Variants in MYCBP2 observed in about 807,000 individuals in gnomAD.
MYCBP2 encodes the protein E3 ubiquitin-protein ligase MYCBP2.
MYCBP2 carries 120 observed loss-of-function variants against 525.3 expected under a neutral mutation model. That is an observed-to-expected ratio of 0.23 (90% CI 0.20 to 0.27). The LOEUF is 0.27. MYCBP2 is among the 10% of genes least tolerant of loss of function. MYCBP2 has a pLI of 1.00. For missense variants in MYCBP2, 4,149 were observed against 5,657.1 expected (o/e 0.73, Z 8.55); for synonymous variants, 1,894 against 1,955.8 (o/e 0.97, Z 0.83).
chr13:77,202,277 A>G (rs2062700916), intron 26 of MYCBP2, among the ~76,000 whole-genome samples: 1 of 152,234 alleles, frequency 6.6e-6, no homozygotes, highest in Non-Finnish European at 1.5e-5. Context: ...ACGCAAATAA[A>G]CTAGAAAATC....
At chr13:77,189,374 A>G (rs2061070227) in intron 29 of MYCBP2, among the ~76,000 whole-genome samples, 1 of 152,140 alleles carries the variant, frequency 6.6e-6, no homozygotes, top group South Asian at 2.1e-4. Flanking sequence ...AAGTTATTCA[A>G]CCAGTGAGTA....
chr13:77,129,468 T>C, intron 52 of MYCBP2: 1 of 314,062 alleles, frequency 3.2e-6, no homozygotes. Flanking sequence ...TGCCATTTAC[T>C]AAAATTAAGA....
chr13:77,113,386 A>G (rs762005325), intron 55 of MYCBP2, among the ~76,000 whole-genome samples: 32 of 152,026 alleles, frequency 2.1e-4, no homozygotes, highest in Non-Finnish European at 4.0e-4. Context: ...ATATTCTAGA[A>G]GCCTTCAAGA....
chr13:77,086,618 T>C (rs968064257), intron 62 of MYCBP2, among the ~76,000 whole-genome samples: 3 of 152,180 alleles, frequency 2.0e-5, no homozygotes, highest in Admixed American at 6.6e-5. Context: ...TAGCAACTTG[T>C]ATTTTTTATT....
At chr13:77,102,581 T>C (rs2047238280) in intron 55 of MYCBP2, among the ~76,000 whole-genome samples, 1 of 151,442 alleles carries the variant, frequency 6.6e-6, no homozygotes, top group Non-Finnish European at 1.5e-5. Context: ...TATTTTTAAA[T>C]TGTCTGAAAT....
chr13:77,221,330 A>C (rs995859899), intron 20 of MYCBP2, among the ~76,000 whole-genome samples: 1 of 152,188 alleles, frequency 6.6e-6, no homozygotes, highest in African/African-American at 2.4e-5. Flanking sequence ...AATGGTGTTC[A>C]CTGGTATAAT....
intron 1 of MYCBP2, among the ~76,000 whole-genome samples, chr13:77,312,110 G>A (rs886206311): frequency 6.6e-5 from 10 of 152,102 alleles, no homozygotes; most frequent in Admixed American, 6.5e-5. Flanking sequence ...GGTGCTCAAG[G>A]AAGCAAGCAT....
At chr13:77,190,521 C>T (rs1343238464) in intron 28 of MYCBP2, among the ~76,000 whole-genome samples, 186 bp from the exon 29 acceptor site, 2 of 152,138 alleles carry the variant, frequency 1.3e-5, no homozygotes, top group Non-Finnish European at 2.9e-5. Context: ...AATGAAAGAA[C>T]TGAACGTGAT....
At position 77,191,743 on chromosome 13, in the gene MYCBP2, G is replaced by A. The variant is rs1322838128; in HGVS notation, c.4006C>T (p.Arg1336Ter). ...CAGTCACTGCTGGGTCCTGACACTC[G>A]GGCCCATGCCACATACCACCACCCA... Reference protein sequence around the residue: ...QAGWWYVAWARVSGPSSDCGS... With the variant: ...QAGWWYVAWA Residue 1336 changes from arginine (R) to a stop codon, truncating the protein, a stop_gained, in exon 28 of 83, where the codon CGA becomes TGA. Transcript: ENST00000544440. LOFTEE classifies it high-confidence loss of function. 2 of 1,613,954 alleles carry A rather than the reference G, an allele frequency of 1.2e-6. No individual in the cohort carries two copies. Among genetic ancestry groups the A allele is most frequent in the South Asian group, 1.1e-5 (1 of 91,064 alleles).
intron 48 of MYCBP2, among the ~76,000 whole-genome samples, chr13:77,144,952 T>G (rs2055283365): frequency 6.6e-6 from 1 of 152,214 alleles, no homozygotes; most frequent in African/African-American, 2.4e-5. Flanking sequence ...CCCTCAACAT[T>G]TTTATGCTGC....
intron 59 of MYCBP2, among the ~76,000 whole-genome samples, chr13:77,092,753 T>C (rs915977245): frequency 2.0e-5 from 3 of 152,126 alleles, no homozygotes; most frequent in African/African-American, 7.2e-5. Flanking sequence ...TACATTATTG[T>C]AACAAGTTTC....
chr13:77,306,315 G>A (rs536642085), intron 1 of MYCBP2, among the ~76,000 whole-genome samples: 38 of 152,258 alleles, frequency 2.5e-4, no homozygotes, highest in South Asian at 2.5e-3. Context: ...ATAAATTAGG[G>A]AGGAATAGTT....
chr13:77,069,159 G>A (rs1297483663), intron 69 of MYCBP2, among the ~76,000 whole-genome samples: 4 of 152,062 alleles, frequency 2.6e-5, no homozygotes, highest in Non-Finnish European at 5.9e-5. Context: ...TTTTTCTCAT[G>A]GTTTACCATT....
intron 17 of MYCBP2, among the ~76,000 whole-genome samples, chr13:77,240,976 T>A (rs1162363253): frequency 2.6e-5 from 4 of 152,236 alleles, no homozygotes; most frequent in African/African-American, 9.6e-5. Context: ...GTGTTTCTAC[T>A]GATGTTCTAT....
At chr13:77,119,074 A>G (rs2050252539) in intron 55 of MYCBP2, among the ~76,000 whole-genome samples, 1 of 152,210 alleles carries the variant, frequency 6.6e-6, no homozygotes, top group African/African-American at 2.4e-5. Flanking sequence ...AAAGCATGAA[A>G]TATTTTGCTT....
Position 77,270,075 on chromosome 13 carries a change from A to C in MYCBP2, c.1189-12T>G. On this transcript the variant is annotated splice_polypyrimidine_tract_variant and intron_variant, in intron 6 of 82. Coordinates refer to ENST00000544440, the MANE Select transcript of MYCBP2 (RefSeq NM_015057.5). ...TTGTATATATGGCCCTGCAAAAAAA[A>C]CAAAAGTTAGTATATCAGTGGTTTC... 6.3e-7 allele frequency: 1 copy of C among 1,591,744 alleles called. No homozygotes were observed. Among genetic ancestry groups the C allele is most frequent in the East Asian group, 2.2e-5 (1 of 44,672 alleles).
chr13:77,142,092 A>G (rs2054749760), intron 49 of MYCBP2, among the ~76,000 whole-genome samples: 3 of 152,190 alleles, frequency 2.0e-5, no homozygotes, highest in Admixed American at 6.5e-5. Context: ...GATGATGAAA[A>G]AAACTCTATC....
intron 73 of MYCBP2, among the ~76,000 whole-genome samples, chr13:77,063,832 G>C (rs1216672926): frequency 6.6e-6 from 1 of 152,170 alleles, no homozygotes; most frequent in Non-Finnish European, 1.5e-5. Context: ...CAACACATGA[G>C]TGGTAGGAAA....
At chr13:77,057,447 T>C (rs955441900) in intron 78 of MYCBP2, among the ~76,000 whole-genome samples, 1 of 152,188 alleles carries the variant, frequency 6.6e-6, no homozygotes, top group African/African-American at 2.4e-5. Context: ...AGACTATTAT[T>C]ATCTTGGAAT....
Sources: gnomAD v4.1 joint callset for allele counts (sites outside exome capture counted in the v4.1 genomes callset) on GRCh38, gnomAD v4.1.1 for gene constraint, MANE v1.5 for transcripts, NCBI Gene and HGNC (gene_info 2026-07-23, HGNC 2026-07-21) for gene names.